The following PIGN variants were observed in gnomAD, a reference collection of about 807,000 sequenced individuals.
The protein encoded by PIGN is GPI ethanolamine phosphate transferase 1.
Under a neutral mutation model 125.4 loss-of-function variants are expected in PIGN, and 117 were observed. The observed-to-expected ratio is 0.93, with a 90% CI of 0.80 to 1.09. PIGN has a LOEUF of 1.09. PIGN is among the 50% of genes least tolerant of loss of function. The pLI, the probability that PIGN is intolerant of heterozygous loss-of-function variation, is 0.00. For synonymous variants in PIGN, 392 were observed against 377.8 expected (o/e 1.04, Z -0.44); for missense variants, 1,075 against 1,094.9 (o/e 0.98, Z 0.26).
intron 1 of PIGN, among the ~76,000 whole-genome samples, chr18:62,173,958 G>A (rs898678883): frequency 6.6e-6 from 1 of 152,146 alleles, no homozygotes; most frequent in Admixed American, 6.5e-5. Flanking sequence ...GCTTACGCCT[G>A]TAATCTCAGC....
chr18:62,128,624 T>C (rs2035621300), intron 14 of PIGN, among the ~76,000 whole-genome samples: 1 of 151,818 alleles, frequency 6.6e-6, no homozygotes, highest in African/African-American at 2.4e-5. Flanking sequence ...GAAAAAAAGG[T>C]AGAAGAGTTC....
intron 11 of PIGN, among the ~76,000 whole-genome samples, chr18:62,142,749 A>G (rs1226820110): frequency 6.6e-6 from 1 of 152,212 alleles, no homozygotes; most frequent in Non-Finnish European, 1.5e-5. Flanking sequence ...GTTTTTAACA[A>G]TGAAAATTCT....
intron 14 of PIGN, among the ~76,000 whole-genome samples, chr18:62,124,016 T>C (rs1159201037): frequency 6.6e-6 from 1 of 152,094 alleles, no homozygotes; most frequent in Non-Finnish European, 1.5e-5. Flanking sequence ...GCATGAAGCA[T>C]CATATAGAGA....
intron 30 of PIGN, among the ~76,000 whole-genome samples, chr18:62,071,019 G>C (rs1324769451): frequency 6.6e-6 from 1 of 151,896 alleles, no homozygotes; most frequent in Non-Finnish European, 1.5e-5. Context: ...ATGTTTCCCA[G>C]GCTGGTCTCA....
At chr18:62,062,847 G>A (rs1281842074) in intron 30 of PIGN, among the ~76,000 whole-genome samples, 2 of 111,106 alleles carry the variant, frequency 1.8e-5, no homozygotes, top group Non-Finnish European at 3.8e-5. Context: ...TGGTTTGAAT[G>A]ATGCTCATTA....
intron 23 of PIGN, among the ~76,000 whole-genome samples, chr18:62,023,550 G>A (rs1027124682): frequency 6.6e-6 from 1 of 152,138 alleles, no homozygotes; most frequent in African/African-American, 2.4e-5. Context: ...CTGCTTATCT[G>A]AAGCCTCTCA....
At chr18:62,033,359 C>T (rs1197793478) in intron 23 of PIGN, among the ~76,000 whole-genome samples, 1 of 152,184 alleles carries the variant, frequency 6.6e-6, no homozygotes, top group African/African-American at 2.4e-5. Context: ...CTGCCTCATA[C>T]TGAACTGTAT....
rs372659591 is a variant in PIGN at position 62,177,422 on chromosome 18, TC to T, written c.-236+9421del. Among the ~76,000 whole-genome samples, 236 of 152,296 alleles carry T rather than the reference TC, an allele frequency of 1.5e-3. 1 individual carries two copies. Among genetic ancestry groups the T allele is most frequent in the African/African-American group, 5.3e-3 (220 of 41,584 alleles). On this transcript the variant is annotated intron_variant, in intron 1 of 30. Transcript: ENST00000640252. Reference sequence around the variant, plus strand: ...TCGTTCATACATCACTTTCCTGACTTCCTTTAGTTCTTTGTCTATGGTTTCC... The same window carrying T: ...TCGTTCATACATCACTTTCCTGACTTCTTTAGTTCTTTGTCTATGGTTTCC...
intron 30 of PIGN, chr18:62,051,942 C>T (rs1189900648): frequency 6.6e-6 from 1 of 152,168 alleles, no homozygotes; most frequent in African/African-American, 2.4e-5. Flanking sequence ...TTTATTTCTG[C>T]CTTCCTTTCA....
chr18:62,094,429 G>A (rs560498405), intron 23 of PIGN, among the ~76,000 whole-genome samples: 1 of 152,234 alleles, frequency 6.6e-6, no homozygotes, highest in Non-Finnish European at 1.5e-5. Context: ...CAACCTCTGG[G>A]TGTGATCTCT....
At position 62,088,353 on chromosome 18, in the gene PIGN, T is replaced by C. The variant is rs138279836; in HGVS notation, c.2370+403A>G. The C allele has an allele frequency of 7.2e-4, 112 of 155,828 alleles. No individual in the cohort carries two copies. The East Asian group carries it at 0.01, about 14-fold the overall frequency. 9.7% of individuals were successfully genotyped at this position (155,828 alleles called of 1,614,324 possible). Reference sequence around the variant, plus strand: ...AAACCTCTGTGAGACAGATGTTATGTAATGTGAGTTCAGAATAAAATGCAC... The same window carrying C: ...AAACCTCTGTGAGACAGATGTTATGCAATGTGAGTTCAGAATAAAATGCAC... On this transcript the variant is annotated intron_variant, in intron 25 of 30. Coordinates refer to ENST00000640252, the MANE Select transcript of PIGN (RefSeq NM_176787.5).
rs1360977917 is a variant in PIGN, at chr18:62,113,318, T to C, written c.1252-2A>G. 5.0e-6 allele frequency: 8 copies of C among 1,585,134 alleles called. No homozygotes were observed. Among genetic ancestry groups the C allele is most frequent in the Non-Finnish European group, 6.8e-6 (8 of 1,169,784 alleles). ...AATTAGCTCCTTGCAAAGGGAGACCTATGGAGAAAAAACATATATAACTTG... is the reference window on the plus strand; with the variant it reads ...AATTAGCTCCTTGCAAAGGGAGACCCATGGAGAAAAAACATATATAACTTG... On this transcript the variant is annotated splice_acceptor_variant, in intron 15 of 30. Coordinates refer to ENST00000640252, the MANE Select transcript of PIGN (RefSeq NM_176787.5). LOFTEE classifies it high-confidence loss of function.
At chr18:62,034,453 TG>T (rs1280673656) in intron 23 of PIGN, among the ~76,000 whole-genome samples, 1 of 152,088 alleles carries the variant, frequency 6.6e-6, no homozygotes, top group Non-Finnish European at 1.5e-5. Context: ...ACCGTGCACC[TG>T]AAAAAGCCAC....
At position 62,154,183 on chromosome 18, in the gene PIGN, A is replaced by G. The variant is rs1418523495; in HGVS notation, c.549+362T>C. The G allele has an allele frequency of 1.1e-5, 3 of 279,246 alleles. No homozygotes were observed. In the Admixed American group the frequency reaches 1.6e-4, roughly 14 times the overall value. 17.3% of individuals were successfully genotyped at this position (279,246 alleles called of 1,614,324 possible). On this transcript the variant is annotated intron_variant, in intron 7 of 30. Transcript: ENST00000640252. ...CACTTTGTTATTATAAATGTATTACATTTGAACAGCATTTTCCCAAAGGCT... is the reference window on the plus strand; with the variant it reads ...CACTTTGTTATTATAAATGTATTACGTTTGAACAGCATTTTCCCAAAGGCT...
intron 6 of PIGN, among the ~76,000 whole-genome samples, chr18:62,155,834 C>G (rs566379754): frequency 3.3e-4 from 50 of 152,276 alleles, no homozygotes; most frequent in Admixed American, 2.1e-3. Context: ...ACCCTTACCA[C>G]CACCAGCTCC....
At chr18:62,048,706 T>A (rs1182861383) in intron 30 of PIGN, among the ~76,000 whole-genome samples, 2 of 150,502 alleles carry the variant, frequency 1.3e-5, no homozygotes, top group South Asian at 2.1e-4. Flanking sequence ...TTTTTTTTTT[T>A]TTATTATTAT....
Position 62,109,880 on chromosome 18 carries a change from C to A in PIGN, c.1528G>T (p.Val510Leu), listed in dbSNP as rs1013305939. 2 of 1,612,876 alleles carry A rather than the reference C, an allele frequency of 1.2e-6. No homozygotes were observed. Among genetic ancestry groups the A allele is most frequent in the African/African-American group, 1.3e-5 (1 of 74,974 alleles). ...LIQACPWTYY[V>L]YGLLPLPIWY... is the part of the protein sequence containing the mutation. ...ATTGGCAGTGGCAACAAACCATATA[C>A]ATAATATGTCCAGGGACAGGCTTGA... The change falls in exon 17 of 31, where the codon GTA (valine) becomes TTA (leucine). Residue 510 changes from valine to leucine, a missense_variant. Val to Leu is a conservative substitution (Grantham distance 32). Coordinates refer to ENST00000640252, the MANE Select transcript of PIGN (RefSeq NM_176787.5).
At chr18:62,058,056 A>C (rs2031851407) in intron 30 of PIGN, among the ~76,000 whole-genome samples, 1 of 76,658 alleles carries the variant, frequency 1.3e-5, no homozygotes, top group Non-Finnish European at 3.3e-5. Flanking sequence ...ACTCCTGATA[A>C]GCACCCAGCA....
At chr18:62,029,273 C>T (rs767970184) in intron 23 of PIGN, among the ~76,000 whole-genome samples, 16 of 152,156 alleles carry the variant, frequency 1.1e-4, no homozygotes, top group Non-Finnish European at 2.1e-4. Context: ...TTTGGATCTT[C>T]CCCCTCTCTC....
Sources: allele counts gnomAD v4.1 joint callset (sites outside exome capture counted in the v4.1 genomes callset), GRCh38; gene constraint gnomAD v4.1.1; transcripts MANE v1.5; gene names NCBI Gene and HGNC (gene_info 2026-07-23, HGNC 2026-07-21).